Variants in DNAI3 observed in about 807,000 individuals in gnomAD.
The protein encoded by DNAI3 is WD repeat domain 63.
In DNAI3, 83 loss-of-function variants were observed where a neutral mutation model predicts 115.5. The observed-to-expected ratio is 0.72, with a 90% CI of 0.60 to 0.86. The LOEUF is 0.86. Ranked by LOEUF, DNAI3 falls within the 40% of genes least tolerant of loss-of-function variation. The pLI is 0.00. For missense variants in DNAI3, 1,004 were observed against 1,075.8 expected (o/e 0.93, Z 0.93); for synonymous variants, 320 against 347.0 (o/e 0.92, Z 0.86).
At chr1:85,096,730 T>C (rs576320181) in intron 11 of DNAI3, among the ~76,000 whole-genome samples, 10 of 152,212 alleles carry the variant, frequency 6.6e-5, no homozygotes, top group Admixed American at 3.3e-4. Context: ...TGTGTGTGGT[T>C]TGAAAAACTT....
intron 1 of DNAI3, among the ~76,000 whole-genome samples, chr1:85,069,551 G>A (rs752222204): frequency 7.2e-5 from 11 of 152,018 alleles, no homozygotes; most frequent in Admixed American, 2.0e-4. Context: ...TGGTGTGTGC[G>A]TGGGGTGAGG....
intron 14 of DNAI3, among the ~76,000 whole-genome samples, chr1:85,107,750 T>A (rs1227592517): frequency 2.0e-5 from 3 of 152,202 alleles, no homozygotes; most frequent in African/African-American, 7.2e-5. Flanking sequence ...AATGTTGTAG[T>A]ATATGATTTA....
chr1:85,067,693 G>C (rs1654140474), intron 1 of DNAI3, among the ~76,000 whole-genome samples: 1 of 152,156 alleles, frequency 6.6e-6, no homozygotes, highest in African/African-American at 2.4e-5. Context: ...GTAGTCACAA[G>C]GGTCCTTAAA....
chr1:85,084,613 A>G lies in DNAI3; in HGVS notation c.458A>G (p.Lys153Arg). 6.3e-7 allele frequency: 1 copy of G among 1,579,800 alleles called. No individual in the cohort carries two copies. Among genetic ancestry groups the G allele is most frequent in the Non-Finnish European group, 8.6e-7 (1 of 1,164,462 alleles). ...EHIPEDVYIY[K>R]PPVSKPWVSL... is the part of the protein sequence containing the mutation. ...ATTCCTGAAGATGTGTATATTTATA[A>G]ACCACCTGTCTCTAAACCATGGGTT... Residue 153 changes from lysine to arginine, a missense_variant, in exon 6 of 23, where the codon AAA becomes AGA. Around this residue, in one of 3 missense-constraint regions of DNAI3, gnomAD observed 550 missense variants for 568.1 expected, o/e 0.97. Coordinates refer to ENST00000294664, the MANE Select transcript of DNAI3 (RefSeq NM_145172.5).
At chr1:85,081,184 T>C (rs1654621781) in intron 3 of DNAI3, 50 bp from the exon 4 acceptor site, 1 of 1,441,946 alleles carries the variant, frequency 6.9e-7, no homozygotes, top group Non-Finnish European at 9.2e-7. Context: ...CTAATGCTAA[T>C]ATTTTAAGTG....
At position 85,082,765 on chromosome 1, in the gene DNAI3, T is replaced by C. The variant is rs940677430; in HGVS notation, c.390+361T>C. Among the ~76,000 whole-genome samples the C allele has an allele frequency of 3.9e-5, 6 of 152,296 alleles. No homozygotes were observed. In the South Asian group the frequency reaches 1.0e-3, roughly 26 times the overall value. ...CAGCTCTGTTTCTTTGGGACCCAGATCGGGTTCTGGCACCTAGAATATGTA... is the reference window on the plus strand; with the variant it reads ...CAGCTCTGTTTCTTTGGGACCCAGACCGGGTTCTGGCACCTAGAATATGTA... On this transcript the variant is annotated intron_variant, in intron 5 of 22. Transcript: ENST00000294664.
intron 14 of DNAI3, among the ~76,000 whole-genome samples, chr1:85,105,011 G>C (rs1421575052): frequency 6.6e-6 from 1 of 152,120 alleles, no homozygotes; most frequent in Non-Finnish European, 1.5e-5. Flanking sequence ...AAACAACTCG[G>C]TAGCTACTTT....
intron 1 of DNAI3, among the ~76,000 whole-genome samples, chr1:85,062,890 T>C (rs1255541317): frequency 6.6e-6 from 1 of 152,112 alleles, no homozygotes; most frequent in East Asian, 1.9e-4. Flanking sequence ...GGTCAAACAA[T>C]AAAAGATTAA....
In DNAI3 at chr1:85,126,550, T is replaced by C; in HGVS notation, c.2152T>C (p.Tyr718His). 1 of 1,614,106 alleles carries C rather than the reference T, an allele frequency of 6.2e-7. No homozygotes were observed. Among genetic ancestry groups the C allele is most frequent in the Non-Finnish European group, 8.5e-7 (1 of 1,180,004 alleles). The stretch of plus-strand genomic sequence containing the variant: ...TCAGTCATGCTGTGCACCAAAAAGG[T>C]ACACCTCAGGCCACTGGTCCCTGAC... ...LLQSCCAPKR[Y>H]TSGHWSLTRP... Residue 718 changes from tyrosine (Y) to histidine (H), a missense_variant, in exon 20 of 23, where the codon TAC becomes CAC. Tyr to His is a moderately conservative substitution (Grantham distance 83). Transcript: ENST00000294664.
chr1:85,128,627 A>G (rs959793372), intron 20 of DNAI3, 81 bp from the exon 21 acceptor site: 1 of 1,231,012 alleles, frequency 8.1e-7, no homozygotes, highest in African/African-American at 1.5e-5. Context: ...AACACAAAAC[A>G]AAAACATACT....
At chr1:85,130,161 A>G (rs758189307) in intron 22 of DNAI3, 49 bp downstream of exon 22, 2 of 1,608,724 alleles carry the variant, frequency 1.2e-6, no homozygotes, top group East Asian at 4.5e-5. Context: ...ACACCAGTGG[A>G]AATATATTTG....
At chr1:85,100,163 A>G (rs997137146) in intron 13 of DNAI3, among the ~76,000 whole-genome samples, 1 of 152,238 alleles carries the variant, frequency 6.6e-6, no homozygotes, top group Non-Finnish European at 1.5e-5. Flanking sequence ...AGCAAAAGAA[A>G]CTACCATCAG....
rs1053264160 is a variant in DNAI3, at chr1:85,082,194, A to G, written c.286-106A>G. On this transcript the variant is annotated intron_variant, in intron 4 of 22. Transcript: ENST00000294664. ...TCAGCCATAGATTAGCACAATGGTTATCTTCTATAATTGGTTGATTAGCGA... is the reference window on the plus strand; with the variant it reads ...TCAGCCATAGATTAGCACAATGGTTGTCTTCTATAATTGGTTGATTAGCGA... 7.1e-6 allele frequency: 6 copies of G among 847,646 alleles called. No homozygotes were observed. In the African/African-American group the frequency reaches 8.6e-5, roughly 12 times the overall value. 52.5% of individuals were successfully genotyped at this position (847,646 alleles called of 1,614,324 possible).
At chr1:85,085,648 A>G (rs1371667597) in intron 6 of DNAI3, among the ~76,000 whole-genome samples, 183 bp from the exon 7 acceptor site, 1 of 152,184 alleles carries the variant, frequency 6.6e-6, no homozygotes, top group Non-Finnish European at 1.5e-5. Flanking sequence ...TGGTCCCAAT[A>G]GCCCTAGAGC....
In DNAI3 at chr1:85,126,691, T is replaced by G; in HGVS notation, c.2293T>G (p.Tyr765Asp). 6.2e-7 allele frequency: 1 copy of G among 1,614,126 alleles called. No individual in the cohort carries two copies. The change falls in exon 20 of 23, where the codon TAC becomes GAC. Residue 765 changes from tyrosine (Y) to aspartate (D), a missense_variant. Coordinates refer to ENST00000294664, the MANE Select transcript of DNAI3 (RefSeq NM_145172.5). Reference protein sequence around the residue: ...SQNICITMITYIKPWIFSSKQ... With the variant: ...SQNICITMITDIKPWIFSSKQ... The stretch of plus-strand genomic sequence containing the variant: ...AAACATTTGCATAACTATGATCACC[T>G]ACATCAAACCCTGGATCTTTTCTTG...
intron 3 of DNAI3, among the ~76,000 whole-genome samples, chr1:85,080,241 T>C (rs999093425): frequency 1.3e-5 from 2 of 151,574 alleles, no homozygotes; most frequent in Admixed American, 1.3e-4. Flanking sequence ...TTAGTAGAGA[T>C]GGGGTTTCAC....
intron 13 of DNAI3, chr1:85,099,202 A>G: frequency 1.0e-6 from 1 of 968,340 alleles, no homozygotes; most frequent in Non-Finnish European, 1.2e-6. Flanking sequence ...CATGGGATCT[A>G]TAAATTTGGA....
chr1:85,074,775 T>C (rs983578423), intron 3 of DNAI3, among the ~76,000 whole-genome samples: 9 of 152,242 alleles, frequency 5.9e-5, no homozygotes, highest in Non-Finnish European at 1.2e-4. Flanking sequence ...GTTCACATTT[T>C]CATTAACTAG....
At chr1:85,128,018 A>G (rs1272546140) in intron 20 of DNAI3, among the ~76,000 whole-genome samples, 1 of 151,244 alleles carries the variant, frequency 6.6e-6, no homozygotes, top group Non-Finnish European at 1.5e-5. Flanking sequence ...CCAGCTACTC[A>G]GGAAGCTGAG....
Sources: gnomAD v4.1 joint callset for allele counts (sites outside exome capture counted in the v4.1 genomes callset) on GRCh38, gnomAD v4.1.1 for gene constraint, gnomAD v4.1.1 regional missense constraint, MANE v1.5 for transcripts, NCBI Gene and HGNC (gene_info 2026-07-23, HGNC 2026-07-21) for gene names.